The following PSMD3 variants were observed in gnomAD, a reference collection of about 807,000 sequenced individuals.
PSMD3 encodes the protein proteasome 26S subunit, non-ATPase 3, also known as 26S proteasome non-ATPase regulatory subunit 3.
PSMD3 carries 5 observed loss-of-function variants against 62.8 expected under a neutral mutation model. The ratio of observed to expected loss-of-function variants is 0.08; its 90% CI spans 0.04 to 0.17. The LOEUF (loss-of-function observed/expected upper bound fraction) is 0.17, where lower values mean the gene tolerates loss of function less well. PSMD3 is among the 10% of genes least tolerant of loss of function. The pLI is 1.00. For missense variants in PSMD3, 524 were observed against 713.6 expected (o/e 0.73, Z 3.03); for synonymous variants, 265 against 283.9 (o/e 0.93, Z 0.67).
At chr17:39,983,076 A>G (rs1242656675) in intron 1 of PSMD3, among the ~76,000 whole-genome samples, 2 of 151,038 alleles carry the variant, frequency 1.3e-5, no homozygotes, top group Non-Finnish European at 2.9e-5. Context: ...TCTGTTGCCC[A>G]GGCTGGAGTG....
chr17:39,983,427 A>G (rs1354787169), intron 1 of PSMD3, among the ~76,000 whole-genome samples: 1 of 151,914 alleles, frequency 6.6e-6, no homozygotes, highest in Non-Finnish European at 1.5e-5. Context: ...TCTGTTAGCT[A>G]TTTTTCCTCT....
chr17:39,994,815 C>G, intron 6 of PSMD3, 139 bp from the exon 7 acceptor site: 59 of 695,976 alleles, frequency 8.5e-5, no homozygotes, highest in Non-Finnish European at 1.3e-4. Flanking sequence ...GTTTTCAGGG[C>G]TTCCTCCTCT....
chr17:39,990,161 G>A lies in PSMD3; in HGVS notation c.945G>A (p.Lys315=), dbSNP rs2144812628. 2 of 1,613,722 alleles carry A rather than the reference G, an allele frequency of 1.2e-6. No homozygotes were observed. The part of the protein sequence containing the change: ...ARRTMTNALR[K]APQHTAVGFK... ...GAACGATGACCAACGCCCTTCGCAA[G>A]GCCCCTCAGCACACAGCTGTCGGCT... is the stretch of plus-strand genomic sequence containing the variant. The change falls in exon 6 of 12, where the codon AAG becomes AAA. Residue 315 remains lysine, a synonymous_variant. Coordinates refer to ENST00000264639, the MANE Select transcript of PSMD3 (RefSeq NM_002809.4).
At chr17:39,997,410 A>G in intron 11 of PSMD3, 30 bp downstream of exon 11, 1 of 1,613,748 alleles carries the variant, frequency 6.2e-7, no homozygotes, top group South Asian at 1.1e-5. Flanking sequence ...GGTGAGACCG[A>G]AAGGTCAAAC....
chr17:39,997,683 T>C lies in PSMD3; in HGVS notation c.*102T>C, dbSNP rs369083188. On this transcript the variant is annotated 3_prime_UTR_variant, in exon 12 of 12. Transcript: ENST00000264639. ...TCCCCATTTTCCCACACACAGCTCA[T>C]ATGCTGCATTCGTGCAGGGGGTGGG... is the stretch of plus-strand genomic sequence containing the variant. 1,877 of 1,346,162 alleles carry C rather than the reference T, an allele frequency of 1.4e-3. 24 individuals are homozygous for C. The Middle Eastern group carries it at 0.015, about 11-fold the overall frequency. The allele number at this position is 1,346,162 out of a possible 1,614,324, so 83.4% of individuals were successfully genotyped here.
At position 39,996,365 on chromosome 17, in the gene PSMD3, C is replaced by T. The variant is rs768950495; in HGVS notation, c.1476+27C>T. ...TGAGAAGCCCGTGGCTGCAGAGTCA[C>T]GCCTGGCAGCAGCACACCCCTCCCT... On this transcript the variant is annotated intron_variant, in intron 10 of 11. Transcript: ENST00000264639. This position sits in a 1 kb window ranked among gnomAD's most constrained non-coding sequence, Gnocchi z 5.1. 7.3e-5 allele frequency: 117 copies of T among 1,607,370 alleles called. No individual in the cohort carries two copies. Among genetic ancestry groups the T allele is most frequent in the Non-Finnish European group, 9.0e-5 (106 of 1,176,502 alleles).
Position 39,996,054 on chromosome 17 carries a change from G to A in PSMD3, c.1321-129G>A, listed in dbSNP as rs942591072. On this transcript the variant is annotated intron_variant, in intron 9 of 11. Coordinates refer to ENST00000264639, the MANE Select transcript of PSMD3 (RefSeq NM_002809.4). This position sits in a 1 kb window ranked among gnomAD's most constrained non-coding sequence, Gnocchi z 5.1. ...GAATCGCTTGAACCCGGGAGGTAAA[G>A]GTTGCAGTGAGCTGAGATCGCACCA... is the stretch of plus-strand genomic sequence containing the variant. 4.3e-6 allele frequency: 5 copies of A among 1,152,632 alleles called. No individual in the cohort carries two copies. The African/African-American group carries it at 6.2e-5, about 14-fold the overall frequency. The allele number at this position is 1,152,632 out of a possible 1,614,324, so 71.4% of individuals were successfully genotyped here. A position where few individuals can be genotyped will look rare whatever the true frequency, so the allele number is the denominator to read the frequency against.
Position 39,989,724 on chromosome 17 carries a change from C to CT in PSMD3, c.687-12dup, listed in dbSNP as rs1568137705. The CT allele has an allele frequency of 6.2e-7, 1 of 1,606,166 alleles. No individual in the cohort carries two copies. The highest frequency in any genetic ancestry group is 1.7e-5 in the Admixed American group (1 of 59,860). ...GTGATTTGAAGGCTTTGACATCTTT[C>CT]TTTCCTTCTTGAAGCTTCTTGCATG... On this transcript the variant is annotated splice_polypyrimidine_tract_variant and intron_variant, in intron 4 of 11. Coordinates refer to ENST00000264639, the MANE Select transcript of PSMD3 (RefSeq NM_002809.4).
At position 39,995,113 on chromosome 17, in the gene PSMD3, G is replaced by A; in HGVS notation, c.1096+45G>A. 1.2e-6 allele frequency: 2 copies of A among 1,613,610 alleles called. No individual in the cohort carries two copies. Among genetic ancestry groups the A allele is most frequent in the Non-Finnish European group, 1.7e-6 (2 of 1,179,596 alleles). ...CCCAGAGCCCACTAGGCCCCCTTCA[G>A]TGGGGCCTCTTACATGCCTGTGCCT... On this transcript the variant is annotated intron_variant, in intron 7 of 11. Coordinates refer to ENST00000264639, the MANE Select transcript of PSMD3 (RefSeq NM_002809.4). This position sits in a 1 kb window ranked among gnomAD's most constrained non-coding sequence, Gnocchi z 4.1.
rs1030967556 is a variant in PSMD3 at position 39,995,365 on chromosome 17, T to C, written c.1217-59T>C. On this transcript the variant is annotated intron_variant, in intron 8 of 11. Transcript: ENST00000264639. This position sits in a 1 kb window ranked among gnomAD's most constrained non-coding sequence, Gnocchi z 4.1. ...GCCAGGGCAAACCTAGTGGGTATCC[T>C]TGGGCAAGTGAAGGGTCTGTGTCCA... 8 of 1,613,502 alleles carry C rather than the reference T, an allele frequency of 5.0e-6. No individual in the cohort carries two copies. The highest frequency in any genetic ancestry group is 1.7e-5 in the Admixed American group (1 of 59,992).
At chr17:39,994,569 T>C in intron 6 of PSMD3, 1 of 265,582 alleles carries the variant, frequency 3.8e-6, no homozygotes, top group South Asian at 4.6e-5. Flanking sequence ...CTAATGAGCA[T>C]CTCTGGCTGA....
At position 39,995,706 on chromosome 17, in the gene PSMD3, C is replaced by T. The variant is rs1284689173; in HGVS notation, c.1320+179C>T. On this transcript the variant is annotated intron_variant, in intron 9 of 11. Transcript: ENST00000264639. This position sits in a 1 kb window ranked among gnomAD's most constrained non-coding sequence, Gnocchi z 4.1. Reference sequence around the variant, plus strand: ...AGTTGCCAGAGAGAGCATGGATGTGCATGTGAGTGTGTGAGTGTAGGTGTG... The same window carrying T: ...AGTTGCCAGAGAGAGCATGGATGTGTATGTGAGTGTGTGAGTGTAGGTGTG... 3 of 655,266 alleles carry T rather than the reference C, an allele frequency of 4.6e-6. No individual in the cohort carries two copies. Among genetic ancestry groups the T allele is most frequent in the East Asian group, 2.8e-5 (1 of 36,188 alleles). 40.6% of individuals were successfully genotyped at this position (655,266 alleles called of 1,614,324 possible).
At chr17:39,997,408 C>G (rs781209902) in intron 11 of PSMD3, 28 bp downstream of exon 11, 5 of 1,613,658 alleles carry the variant, frequency 3.1e-6, no homozygotes, top group Non-Finnish European at 8.5e-7. Context: ...TGGGTGAGAC[C>G]GAAAGGTCAA....
intron 2 of PSMD3, among the ~76,000 whole-genome samples, chr17:39,986,026 G>A (rs1339174824): frequency 1.3e-5 from 2 of 152,102 alleles, no homozygotes; most frequent in African/African-American, 4.8e-5. Flanking sequence ...CCATTATGTT[G>A]TGTAAAGAAA....
intron 1 of PSMD3, among the ~76,000 whole-genome samples, chr17:39,981,556 C>T (rs1439284836): frequency 6.6e-6 from 1 of 152,196 alleles, no homozygotes; most frequent in African/African-American, 2.4e-5. Context: ...CGCTGGAAAC[C>T]AGTGTTTGTG....
Position 39,995,557 on chromosome 17 carries a change from AG to A in PSMD3, c.1320+32del. On this transcript the variant is annotated intron_variant, in intron 9 of 11. Transcript: ENST00000264639. The surrounding 1 kb of genome is among the most constrained non-coding windows in gnomAD (Gnocchi z 4.1). Reference sequence around the variant, plus strand: ...GGCTGGTTCAGGAACCACAGTGACCAGGTTGTCACTTTCCTGCCAATCTCAG... The same window carrying A: ...GGCTGGTTCAGGAACCACAGTGACCAGTTGTCACTTTCCTGCCAATCTCAG... 1 of 1,578,980 alleles carries A rather than the reference AG, an allele frequency of 6.3e-7. No individual in the cohort carries two copies. Among genetic ancestry groups the A allele is most frequent in the Non-Finnish European group, 8.7e-7 (1 of 1,148,314 alleles).
In PSMD3 at chr17:39,995,651, G is replaced by A. The variant is rs1332492394; in HGVS notation, c.1320+124G>A. 1.1e-6 allele frequency: 1 copy of A among 942,400 alleles called. No individual in the cohort carries two copies. Among genetic ancestry groups the A allele is most frequent in the Admixed American group, 2.1e-5 (1 of 46,654 alleles). 58.4% of individuals were successfully genotyped at this position (942,400 alleles called of 1,614,324 possible). ...AAAGCAATGGCATAGTCATTTCAGG[G>A]CGTGCCCGTCATTTGCAGTGAAGCC... On this transcript the variant is annotated intron_variant, in intron 9 of 11. Transcript: ENST00000264639. The surrounding 1 kb of genome is among the most constrained non-coding windows in gnomAD (Gnocchi z 4.1).
intron 4 of PSMD3, 65 bp downstream of exon 4, chr17:39,988,884 A>G (rs1980589025): frequency 1.9e-6 from 3 of 1,575,440 alleles, no homozygotes; most frequent in Non-Finnish European, 2.6e-6. Context: ...TCACAAGCAC[A>G]CAGCTGTGGA....
intron 1 of PSMD3, among the ~76,000 whole-genome samples, chr17:39,983,173 C>T (rs975365976): frequency 3.3e-5 from 5 of 152,020 alleles, no homozygotes; most frequent in African/African-American, 9.7e-5. Flanking sequence ...GCTGGGATTA[C>T]GGTCACCCAC....
Sources: allele counts gnomAD v4.1 joint callset (sites outside exome capture counted in the v4.1 genomes callset), GRCh38; gene constraint gnomAD v4.1.1; non-coding constraint Gnocchi (gnomAD v3.1); transcripts MANE v1.5; gene names NCBI Gene and HGNC (gene_info 2026-07-23, HGNC 2026-07-21).